The following CLYBL variants were observed in gnomAD, a reference collection of about 807,000 sequenced individuals.
The protein encoded by CLYBL is citramalyl-CoA lyase, mitochondrial.
A neutral mutation model predicts 38.9 loss-of-function variants in CLYBL; 31 were observed. That is an observed-to-expected ratio of 0.80 (90% CI 0.60 to 1.08). CLYBL has a LOEUF of 1.08. Among genes scored for constraint, CLYBL ranks in the 50% least tolerant of loss-of-function variants. The pLI is 0.00. For synonymous variants in CLYBL, 171 were observed against 158.6 expected (o/e 1.08, Z -0.59); for missense variants, 434 against 411.6 (o/e 1.05, Z -0.47).
intron 1 of CLYBL, among the ~76,000 whole-genome samples, chr13:99,627,928 C>A (rs1193488808): frequency 1.3e-5 from 2 of 152,166 alleles, no homozygotes; most frequent in Admixed American, 6.5e-5. Context: ...TGGTAATCAA[C>A]TCTGTTTTAA....
chr13:99,731,790 A>C (rs11840104), intron 1 of CLYBL, among the ~76,000 whole-genome samples: 2,325 of 152,254 alleles, frequency 0.015, 60 homozygotes, highest in African/African-American at 0.053. Context: ...TGTGTTCTCA[A>C]TTTTAACCTC....
At chr13:99,621,730 T>C (rs2139204956) in intron 1 of CLYBL, among the ~76,000 whole-genome samples, 1 of 149,364 alleles carries the variant, frequency 6.7e-6, no homozygotes, top group African/African-American at 2.5e-5. Flanking sequence ...TTGTGAGCTT[T>C]CTTAAAACAT....
At chr13:99,684,354 A>G (rs1221367316) in intron 1 of CLYBL, among the ~76,000 whole-genome samples, 1 of 150,162 alleles carries the variant, frequency 6.7e-6, no homozygotes, top group East Asian at 2.0e-4. Flanking sequence ...TTATTTTTGT[A>G]TTTTTAGCCA....
At chr13:99,784,452 T>TGTTTTTTTG (rs2049738154) in intron 2 of CLYBL, among the ~76,000 whole-genome samples, 1 of 39,790 alleles carries the variant, frequency 2.5e-5, no homozygotes, top group Non-Finnish European at 3.5e-5. Flanking sequence ...ATTCTCTCTT[T>TGTTTTTTTG]TTTTTTTTTT....
At chr13:99,760,521 G>T (rs1394909631) in intron 1 of CLYBL, among the ~76,000 whole-genome samples, 1 of 152,212 alleles carries the variant, frequency 6.6e-6, no homozygotes, top group Non-Finnish European at 1.5e-5. Context: ...TTTAAAATCT[G>T]GGAATGTCTG....
intron 4 of CLYBL, 41 bp from the exon 5 acceptor site, chr13:99,864,777 C>T (rs759015217): frequency 1.5e-5 from 21 of 1,381,892 alleles, no homozygotes; most frequent in East Asian, 1.4e-4. Flanking sequence ...CTCTGACGCA[C>T]GCGTTTCCGT....
At chr13:99,654,374 A>T (rs915688822) in intron 1 of CLYBL, among the ~76,000 whole-genome samples, 1 of 152,184 alleles carries the variant, frequency 6.6e-6, no homozygotes, top group African/African-American at 2.4e-5. Flanking sequence ...CATGTCCCAC[A>T]CATATGGGGC....
intron 1 of CLYBL, among the ~76,000 whole-genome samples, chr13:99,721,826 T>C (rs1309788861): frequency 2.0e-5 from 3 of 152,128 alleles, no homozygotes; most frequent in Non-Finnish European, 2.9e-5. Context: ...CTGGTTGGAA[T>C]TTTTTATTGT....
At chr13:99,784,164 C>A (rs1362515848) in intron 2 of CLYBL, among the ~76,000 whole-genome samples, 3 of 152,058 alleles carry the variant, frequency 2.0e-5, no homozygotes, top group Non-Finnish European at 4.4e-5. Context: ...GGATCATGAA[C>A]CCATATTCAT....
intron 2 of CLYBL, among the ~76,000 whole-genome samples, chr13:99,856,129 A>G (rs564826392): frequency 6.6e-6 from 1 of 152,342 alleles, no homozygotes; most frequent in East Asian, 1.9e-4. Flanking sequence ...ACAAGGGCCG[A>G]ATTTTGCTAA....
chr13:99,755,391 G>C (rs2049044570), intron 1 of CLYBL, among the ~76,000 whole-genome samples: 1 of 152,172 alleles, frequency 6.6e-6, no homozygotes, highest in Non-Finnish European at 1.5e-5. Flanking sequence ...GTGGACCTGT[G>C]ATCTGTTCTT....
chr13:99,774,832 C>T (rs764516229), intron 2 of CLYBL, among the ~76,000 whole-genome samples: 3 of 152,122 alleles, frequency 2.0e-5, no homozygotes, highest in Admixed American at 6.6e-5. Context: ...AGTAAATAGG[C>T]CTTTTTCTGA....
intron 1 of CLYBL, among the ~76,000 whole-genome samples, chr13:99,649,320 G>A (rs1345158211): frequency 6.6e-6 from 1 of 152,172 alleles, no homozygotes; most frequent in African/African-American, 2.4e-5. Context: ...AGACAATGAT[G>A]TGGGGAAACG....
chr13:99,620,839 A>G (rs1179602329), intron 1 of CLYBL, among the ~76,000 whole-genome samples: 1 of 56,548 alleles, frequency 1.8e-5, no homozygotes, highest in African/African-American at 7.4e-5. Context: ...AAAGAAAGAA[A>G]AAGAAAGAAA....
At chr13:99,804,626 T>C (rs2050196524) in intron 2 of CLYBL, among the ~76,000 whole-genome samples, 1 of 152,142 alleles carries the variant, frequency 6.6e-6, no homozygotes, top group African/African-American at 2.4e-5. Context: ...AAATGTTCCC[T>C]TTTCCCTCAT....
At chr13:99,631,809 G>A (rs67068126) in intron 1 of CLYBL, among the ~76,000 whole-genome samples, 38,674 of 152,030 alleles carry the variant, frequency 0.25, 6,065 homozygotes, top group East Asian at 0.57. Context: ...ATGTTGACCA[G>A]CCAGGATGAT....
intron 2 of CLYBL, among the ~76,000 whole-genome samples, chr13:99,833,025 TATATA>T (rs1386995031): frequency 4.9e-4 from 19 of 38,404 alleles, no homozygotes; most frequent in African/African-American, 1.8e-3. Flanking sequence ...TATATATATA[TATATA>T]TTTTTTTTTT....
intron 1 of CLYBL, among the ~76,000 whole-genome samples, chr13:99,610,952 GAGTC>G (rs1480871039): frequency 6.6e-6 from 1 of 152,182 alleles, no homozygotes; most frequent in Non-Finnish European, 1.5e-5. Context: ...TGCAAGCTCT[GAGTC>G]AGGTCAATTA....
chr13:99,607,170 G>A (rs1037992098), intron 1 of CLYBL, among the ~76,000 whole-genome samples: 2 of 150,734 alleles, frequency 1.3e-5, no homozygotes, highest in African/African-American at 2.4e-5. Context: ...AATAATTTGA[G>A]GACCCCCCAA....
Sources: gnomAD v4.1 joint callset for allele counts (sites outside exome capture counted in the v4.1 genomes callset) on GRCh38, gnomAD v4.1.1 for gene constraint, MANE v1.5 for transcripts, NCBI Gene and HGNC (gene_info 2026-07-23, HGNC 2026-07-21) for gene names.